HMBOX1: variants seen among roughly 807,000 people sequenced by gnomAD.
The protein encoded by HMBOX1 is homeobox-containing protein 1.
Under a neutral mutation model 54.5 loss-of-function variants are expected in HMBOX1, and 14 were observed. The ratio of observed to expected loss-of-function variants is 0.26; its 90% CI spans 0.17 to 0.40. The LOEUF is 0.40. HMBOX1 is among the 10% of genes least tolerant of loss of function. HMBOX1 has a pLI of 1.00. For synonymous variants in HMBOX1, 160 were observed against 181.0 expected (o/e 0.88, Z 0.93); for missense variants, 332 against 514.4 (o/e 0.65, Z 3.43).
intron 3 of HMBOX1, among the ~76,000 whole-genome samples, chr8:28,973,812 T>TTTTTTTTTTTTG (rs1827879394): frequency 4.2e-4 from 11 of 26,074 alleles, no homozygotes; most frequent in African/African-American, 1.3e-3. Flanking sequence ...AGTTTTTTTT[T>TTTTTTTTTTTTG]TTTTTTTTTT....
At chr8:29,037,294 T>G (rs1239404263) in intron 6 of HMBOX1, among the ~76,000 whole-genome samples, 8 of 152,208 alleles carry the variant, frequency 5.3e-5, no homozygotes, top group Non-Finnish European at 1.5e-5. Context: ...ACTTTTAAAA[T>G]GCAAATTGGT....
At chr8:28,960,505 C>CT (rs1825276417) in intron 1 of HMBOX1, among the ~76,000 whole-genome samples, 1 of 151,420 alleles carries the variant, frequency 6.6e-6, no homozygotes. Context: ...TACAAAGTAT[C>CT]TTTTTATCTT....
chr8:28,894,686 T>G (rs1357790152), intron 1 of HMBOX1, among the ~76,000 whole-genome samples: 2 of 152,324 alleles, frequency 1.3e-5, no homozygotes, highest in Admixed American at 1.3e-4. Context: ...TTAGTTGCAG[T>G]GTATTCAAAC....
intron 3 of HMBOX1, among the ~76,000 whole-genome samples, chr8:28,973,003 C>T (rs1373721244): frequency 1.3e-5 from 2 of 152,244 alleles, no homozygotes; most frequent in African/African-American, 2.4e-5. Context: ...ATTAGAACTG[C>T]TCCTTTGGGT....
chr8:29,031,583 A>G (rs1250086918), intron 6 of HMBOX1, among the ~76,000 whole-genome samples: 1 of 151,362 alleles, frequency 6.6e-6, no homozygotes, highest in Admixed American at 6.6e-5. Context: ...CTTTGGAGTT[A>G]GAACAACTGG....
intron 1 of HMBOX1, among the ~76,000 whole-genome samples, chr8:28,908,816 G>A (rs533712830): frequency 1.4e-4 from 21 of 152,152 alleles, no homozygotes; most frequent in African/African-American, 4.6e-4. Context: ...TGTTGTGTCC[G>A]GGTGAGGTGG....
At chr8:29,016,243 A>G (rs980442692) in intron 5 of HMBOX1, among the ~76,000 whole-genome samples, 1 of 152,240 alleles carries the variant, frequency 6.6e-6, no homozygotes, top group Non-Finnish European at 1.5e-5. Flanking sequence ...AGCAATTGCT[A>G]TGATTTCTCT....
chr8:28,920,799 A>G (rs190882759), intron 1 of HMBOX1, among the ~76,000 whole-genome samples: 116 of 152,344 alleles, frequency 7.6e-4, no homozygotes, highest in African/African-American at 2.5e-3. Context: ...GAGAGACCAG[A>G]CAATCAGTAG....
At chr8:28,980,268 G>C (rs1025952015) in intron 4 of HMBOX1, 112 bp downstream of exon 4, 2 of 801,070 alleles carry the variant, frequency 2.5e-6, no homozygotes, top group African/African-American at 3.4e-5. Context: ...TGTCAACTTA[G>C]GCATAATTAT....
At chr8:28,973,413 A>G (rs1240731154) in intron 3 of HMBOX1, among the ~76,000 whole-genome samples, 2 of 152,232 alleles carry the variant, frequency 1.3e-5, no homozygotes, top group Non-Finnish European at 2.9e-5. Context: ...CATAAGACAA[A>G]GTATGAATTG....
intron 4 of HMBOX1, among the ~76,000 whole-genome samples, chr8:28,983,343 A>G (rs1829700568): frequency 6.6e-6 from 1 of 152,170 alleles, no homozygotes; most frequent in Non-Finnish European, 1.5e-5. Flanking sequence ...ACTATTTGCC[A>G]TTCCCAGAAT....
chr8:28,893,973 T>C (rs1031846587), intron 1 of HMBOX1, among the ~76,000 whole-genome samples: 1 of 152,238 alleles, frequency 6.6e-6, no homozygotes, highest in African/African-American at 2.4e-5. Context: ...TTATGTAGAA[T>C]GTTGTCATAA....
intron 8 of HMBOX1, among the ~76,000 whole-genome samples, chr8:29,047,858 T>C (rs1805830954): frequency 6.6e-6 from 1 of 152,126 alleles, no homozygotes; most frequent in Non-Finnish European, 1.5e-5. Context: ...TGAGCCACCG[T>C]GCCGGATCCT....
At chr8:28,916,293 C>A (rs187533659) in intron 1 of HMBOX1, among the ~76,000 whole-genome samples, 2 of 152,196 alleles carry the variant, frequency 1.3e-5, no homozygotes, top group Non-Finnish European at 2.9e-5. Flanking sequence ...ATCCATGATT[C>A]CTGCCACTGT....
chr8:29,021,859 C>CA (rs36163977), intron 6 of HMBOX1, among the ~76,000 whole-genome samples: 42,417 of 102,722 alleles, frequency 0.41, 7,046 homozygotes, highest in South Asian at 0.48. Flanking sequence ...GACTCCGTCT[C>CA]AAAAAAAAAA....
intron 1 of HMBOX1, among the ~76,000 whole-genome samples, chr8:28,929,840 A>G (rs1312663371): frequency 2.0e-5 from 3 of 151,904 alleles, no homozygotes; most frequent in African/African-American, 7.3e-5. Context: ...TTTTTACTGT[A>G]CCTCTGTGTA....
intron 9 of HMBOX1, chr8:29,049,464 A>G (rs1806112288): frequency 1.3e-6 from 2 of 1,484,414 alleles, no homozygotes; most frequent in South Asian, 2.6e-5. Flanking sequence ...CCCCATGCCT[A>G]AACACGTACC....
intron 1 of HMBOX1, among the ~76,000 whole-genome samples, chr8:28,926,302 T>TACACACACACACAC (rs548652349): frequency 4.2e-5 from 6 of 143,528 alleles, no homozygotes; most frequent in African/African-American, 1.6e-4. Flanking sequence ...TATATATATA[T>TACACACACACACAC]ATACACACAC....
At chr8:29,042,215 A>G (rs542612252) in intron 6 of HMBOX1, among the ~76,000 whole-genome samples, 12 of 152,238 alleles carry the variant, frequency 7.9e-5, no homozygotes, top group African/African-American at 2.4e-4. Flanking sequence ...AAAAGATGAG[A>G]TATGCAGGAA....
Sources: allele counts gnomAD v4.1 joint callset (sites outside exome capture counted in the v4.1 genomes callset), GRCh38; gene constraint gnomAD v4.1.1; transcripts MANE v1.5; gene names NCBI Gene and HGNC (gene_info 2026-07-23, HGNC 2026-07-21).